NOX5: variants seen among roughly 807,000 people sequenced by gnomAD.
The protein encoded by NOX5 is NADPH oxidase, EF-hand calcium binding domain 5.
In NOX5, 76 loss-of-function variants were observed where a neutral mutation model predicts 85.7. That is an observed-to-expected ratio of 0.89 (90% confidence interval 0.74 to 1.07). The LOEUF (loss-of-function observed/expected upper bound fraction) is 1.07. Ranked by LOEUF, NOX5 falls within the 50% of genes least tolerant of loss-of-function variation. The probability of loss-of-function intolerance (pLI) is 0.00; values close to 1 mark genes in which losing one functional copy is unlikely to be tolerated. For missense variants in NOX5, 973 were observed against 999.5 expected (o/e 0.97, Z 0.36); for synonymous variants, 405 against 401.4 (o/e 1.01, Z -0.11).
At chr15:69,054,537 G>C (rs76864115) in intron 14 of NOX5, among the ~76,000 whole-genome samples, 1 of 152,150 alleles carries the variant, frequency 6.6e-6, no homozygotes, top group Non-Finnish European at 1.5e-5. Flanking sequence ...GCTCCCATCC[G>C]AGGATGCGGC....
At chr15:69,049,766 C>T (rs1184202844) in intron 14 of NOX5, among the ~76,000 whole-genome samples, 1 of 152,198 alleles carries the variant, frequency 6.6e-6, no homozygotes, top group African/African-American at 2.4e-5. Flanking sequence ...CAGGGATGTA[C>T]ATTTTAACAT....
At chr15:69,047,623 T>C in intron 12 of NOX5, 86 bp downstream of exon 12, 1 of 1,492,672 alleles carries the variant, frequency 6.7e-7, no homozygotes, top group Non-Finnish European at 9.0e-7. Context: ...TTCCTTCTCC[T>C]TCCTCTCCTT....
chr15:69,047,791 A>G, intron 12 of NOX5, 39 bp from the exon 13 acceptor site: 1 of 1,606,152 alleles, frequency 6.2e-7, no homozygotes, highest in Non-Finnish European at 8.5e-7. Flanking sequence ...GAAAAGTCTC[A>G]CCCCAAATTT....
At chr15:69,041,474 A>G (rs1265674614) in intron 9 of NOX5, among the ~76,000 whole-genome samples, 4 of 152,210 alleles carry the variant, frequency 2.6e-5, no homozygotes, top group Non-Finnish European at 4.4e-5. Flanking sequence ...TCAATGATAA[A>G]TGTGAGCAAC....
intron 10 of NOX5, chr15:69,043,654 C>T (rs555321322): frequency 1.3e-4 from 20 of 152,322 alleles, no homozygotes; most frequent in East Asian, 7.7e-4. Flanking sequence ...AGAACGTTCT[C>T]GGCTGTTAAT....
chr15:69,035,683 T>C, intron 6 of NOX5, 75 bp from the exon 7 acceptor site: 1 of 1,579,564 alleles, frequency 6.3e-7, no homozygotes, highest in South Asian at 1.2e-5. Flanking sequence ...TGGTGCAGGG[T>C]GGGGATCCCA....
chr15:69,026,936 T>A (rs2050365569), intron 2 of NOX5, among the ~76,000 whole-genome samples: 3 of 152,218 alleles, frequency 2.0e-5, no homozygotes, highest in Admixed American at 2.0e-4. Context: ...ATGCTCTGAC[T>A]TAAGCTTCCT....
chr15:69,037,372 C>G (rs1035252445), intron 8 of NOX5, among the ~76,000 whole-genome samples, 162 bp downstream of exon 8: 1 of 152,180 alleles, frequency 6.6e-6, no homozygotes, highest in African/African-American at 2.4e-5. Flanking sequence ...AAGACCCAGT[C>G]CAGCCCTCCA....
chr15:69,056,805 A>G lies in NOX5; in HGVS notation c.*109A>G, dbSNP rs1190755215. The G allele has an allele frequency of 7.3e-7, 1 of 1,363,036 alleles. No homozygotes were observed. 84.4% of individuals were successfully genotyped at this position (1,363,036 alleles called of 1,614,324 possible). A position where few individuals can be genotyped will look rare whatever the true frequency, so the allele number is the denominator to read the frequency against. ...CTCAGATGACCCACCCAATAAGACA[A>G]AGCCTAGGGACCCCCTAATCCTGCT... On this transcript the variant is annotated 3_prime_UTR_variant, in exon 16 of 16. Transcript: ENST00000388866.
Position 69,033,259 on chromosome 15 carries a change from C to T in NOX5, c.837C>T (p.Phe279=), listed in dbSNP as rs758574761. ...VAKGCGQCLN[F]DCSFIAVLML... is the part of the protein sequence containing the mutation. ...AGGGCTGCGGCCAGTGCCTCAACTT[C>T]GACTGCAGCTTCATCGCGGTAGGCT... Residue 279 remains phenylalanine (F), a synonymous_variant, in exon 5 of 16, where the codon TTC becomes TTT. Coordinates refer to ENST00000388866, the MANE Select transcript of NOX5 (RefSeq NM_024505.4). The T allele has an allele frequency of 6.3e-7, 1 of 1,595,334 alleles. No homozygotes were observed. The highest frequency in any genetic ancestry group is 8.5e-7 in the Non-Finnish European group (1 of 1,178,612).
chr15:69,035,187 C>A (rs2050494935), intron 5 of NOX5, among the ~76,000 whole-genome samples, 167 bp from the exon 6 acceptor site: 1 of 152,160 alleles, frequency 6.6e-6, no homozygotes, highest in South Asian at 2.1e-4. Context: ...CTCTAGAGAC[C>A]CCAGGTATGA....
intron 13 of NOX5, among the ~76,000 whole-genome samples, chr15:69,048,751 T>G (rs933134833): frequency 6.6e-5 from 10 of 152,146 alleles, no homozygotes; most frequent in African/African-American, 2.4e-4. Flanking sequence ...CGCCTTGGGG[T>G]CAGAAACCTG....
In NOX5 at chr15:69,047,824, C is replaced by T. The variant is rs2050694734; in HGVS notation, c.1818-6C>T. On this transcript the variant is annotated splice_region_variant and splice_polypyrimidine_tract_variant and intron_variant, in intron 12 of 15. Transcript: ENST00000388866. Reference sequence around the variant, plus strand: ...TTTACAACCCCTTCCTCCTGCCTCCCCTCAGGCACCAGAAAAGAAAGCATA... The same window carrying T: ...TTTACAACCCCTTCCTCCTGCCTCCTCTCAGGCACCAGAAAAGAAAGCATA... 6.2e-7 allele frequency: 1 copy of T among 1,614,064 alleles called. No homozygotes were observed. Among genetic ancestry groups the T allele is most frequent in the Non-Finnish European group, 8.5e-7 (1 of 1,179,968 alleles).
At chr15:69,018,376 G>A (rs372176556) in intron 1 of NOX5, among the ~76,000 whole-genome samples, 1 of 152,182 alleles carries the variant, frequency 6.6e-6, no homozygotes, top group East Asian at 1.9e-4. Flanking sequence ...TTTGAAGCCT[G>A]CTACGTGGAG....
chr15:69,021,548 C>A (rs1455148997), intron 1 of NOX5, among the ~76,000 whole-genome samples: 1 of 152,148 alleles, frequency 6.6e-6, no homozygotes, highest in Non-Finnish European at 1.5e-5. Flanking sequence ...AATCTCTTGA[C>A]CTCATGATCC....
intron 1 of NOX5, 138 bp downstream of exon 1, chr15:69,014,923 C>T (rs1191890521): frequency 5.6e-5 from 38 of 680,066 alleles, no homozygotes; most frequent in Non-Finnish European, 8.7e-5. Context: ...TCTTGCCTTG[C>T]TACTAGCAAG....
chr15:69,046,705 A>T, intron 10 of NOX5, 117 bp from the exon 11 acceptor site: 1 of 931,088 alleles, frequency 1.1e-6, no homozygotes, highest in East Asian at 2.5e-5. Flanking sequence ...TGGTTTGGGC[A>T]GAAAAAGCAA....
chr15:69,019,320 C>T (rs530113676), intron 1 of NOX5, among the ~76,000 whole-genome samples: 10 of 152,266 alleles, frequency 6.6e-5, no homozygotes, highest in Non-Finnish European at 1.2e-4. Flanking sequence ...GGCTGTGAAC[C>T]GGCAACTTGA....
rs546388626 is a variant in NOX5, at chr15:69,043,961, G to A, written c.1647+1156G>A. Among the ~76,000 whole-genome samples, 9 of 152,224 alleles carry A rather than the reference G, an allele frequency of 5.9e-5. No individual in the cohort carries two copies. In the South Asian group the frequency reaches 1.0e-3, roughly 18 times the overall value. On this transcript the variant is annotated intron_variant, in intron 10 of 15. Transcript: ENST00000388866. The stretch of plus-strand genomic sequence containing the variant: ...AGCACTTTGGGAGGCCGAGGCTGGC[G>A]GATCATGAGGTCAGGAGATTGAGAC...
Sources: allele counts gnomAD v4.1 joint callset (sites outside exome capture counted in the v4.1 genomes callset), GRCh38; gene constraint gnomAD v4.1.1; transcripts MANE v1.5; gene names NCBI Gene and HGNC (gene_info 2026-07-23, HGNC 2026-07-21).